CLTC: variants seen among roughly 807,000 people sequenced by gnomAD.
The protein encoded by CLTC is clathrin heavy chain.
In CLTC, 16 loss-of-function variants were observed where a neutral mutation model predicts 195.8. The observed-to-expected ratio is 0.08, with a 90% CI of 0.06 to 0.12. CLTC has a LOEUF of 0.12. CLTC is among the 10% of genes least tolerant of loss of function. CLTC has a pLI of 1.00. For missense variants in CLTC, 796 were observed against 2,027.0 expected, an observed-to-expected ratio of 0.39 and a Z score of 11.66; for synonymous variants, 667 against 689.4, an observed-to-expected ratio of 0.97 and a Z score of 0.51.
chr17:59,664,573 G>T (rs867265484), intron 9 of CLTC: 11 of 376,862 alleles, frequency 2.9e-5, no homozygotes, highest in East Asian at 4.9e-5. Flanking sequence ...AAAAAGAAAA[G>T]AAAAGAAAAG....
chr17:59,639,744 G>A (rs993824170), intron 1 of CLTC, among the ~76,000 whole-genome samples: 2 of 151,452 alleles, frequency 1.3e-5, no homozygotes, highest in African/African-American at 4.9e-5. Flanking sequence ...GAGCTGGGAG[G>A]ATTACTTGAG....
At chr17:59,627,044 G>GAA (rs879791362) in intron 1 of CLTC, among the ~76,000 whole-genome samples, 2 of 146,520 alleles carry the variant, frequency 1.4e-5, no homozygotes, top group African/African-American at 2.5e-5. Context: ...GACTACAGGC[G>GAA]TGCGCCACCA....
chr17:59,695,851 T>A lies in CLTC; in HGVS notation c.*1999T>A. On this transcript the variant is annotated 3_prime_UTR_variant, in exon 32 of 32. Coordinates refer to ENST00000269122, the MANE Select transcript of CLTC (RefSeq NM_004859.4). ...AACACAGAGAAAAAAAAAATAATAA[T>A]AGTATTATGAAAACATTGACTCTGT... 1 of 190,834 alleles carries A rather than the reference T, an allele frequency of 5.2e-6. No individual in the cohort carries two copies. The highest frequency in any genetic ancestry group is 8.4e-5 in the East Asian group (1 of 11,956). The allele number at this position is 190,834 out of a possible 1,614,324, so 11.8% of individuals were successfully genotyped here.
intron 6 of CLTC, 142 bp from the exon 7 acceptor site, chr17:59,660,249 A>AT: frequency 1.4e-6 from 1 of 717,328 alleles, no homozygotes; most frequent in Non-Finnish European, 2.3e-6. Context: ...CCTTCCTTTC[A>AT]TTATTTTTTA....
At chr17:59,689,033 G>T (rs1023668634) in intron 30 of CLTC, 1 of 152,050 alleles carries the variant, frequency 6.6e-6, no homozygotes, top group African/African-American at 2.4e-5. Context: ...GCCAAAAAAT[G>T]GACATTTCAT....
At chr17:59,642,312 T>G (rs1452620425) in intron 1 of CLTC, among the ~76,000 whole-genome samples, 1 of 152,234 alleles carries the variant, frequency 6.6e-6, no homozygotes, top group African/African-American at 2.4e-5. Context: ...ACTAACACTA[T>G]TTTTACTCCG....
intron 10 of CLTC, among the ~76,000 whole-genome samples, chr17:59,665,446 G>A (rs965636822): frequency 2.0e-5 from 3 of 152,186 alleles, no homozygotes; most frequent in African/African-American, 7.2e-5. Context: ...ACAGGATAGT[G>A]GTTGCCACTG....
Position 59,673,382 on chromosome 17 carries a change from A to G in CLTC, c.2293-265A>G, listed in dbSNP as rs148347552. On this transcript the variant is annotated intron_variant, in intron 14 of 31. Transcript: ENST00000269122. ...TCATCTGAGAGCCACTGGCTCAGGT[A>G]TCTTAATTTGTTACTCTTGTTTTTT... Among the ~76,000 whole-genome samples the G allele has an allele frequency of 1.3e-3, 192 of 152,330 alleles. 1 individual carries two copies. Among genetic ancestry groups the G allele is most frequent in the African/African-American group, 4.5e-3 (186 of 41,586 alleles).
rs2032664989 is a variant in CLTC at position 59,663,823 on chromosome 17, C to T, written c.1369-19C>T. 1.2e-6 allele frequency: 2 copies of T among 1,604,600 alleles called. No homozygotes were observed. Among genetic ancestry groups the T allele is most frequent in the South Asian group, 2.2e-5 (2 of 89,416 alleles). On this transcript the variant is annotated intron_variant, in intron 8 of 31. Transcript: ENST00000269122. ...AACAGTTCATGGATCACTAAACAAT[C>T]TCTTTTTCCTTTGGACAGCTGGAAT... is the stretch of plus-strand genomic sequence containing the variant.
Position 59,666,557 on chromosome 17 carries a change from T to A in CLTC, c.1860T>A (p.Ala620=). ...RAHIAQLCEK[A]GLLQRALEHF... is the part of the protein sequence containing the mutation. ...ATATTGCTCAACTGTGTGAAAAGGC[T>A]GGCCTACTGCAGCGTGCATTAGAAC... Residue 620 remains alanine (A), a synonymous_variant, in exon 12 of 32, where the codon GCT becomes GCA. Transcript: ENST00000269122. The surrounding 1 kb of genome is among the most constrained non-coding windows in gnomAD (Gnocchi z 4.9). 6.2e-7 allele frequency: 1 copy of A among 1,614,164 alleles called. No individual in the cohort carries two copies. Among genetic ancestry groups the A allele is most frequent in the South Asian group, 1.1e-5 (1 of 91,084 alleles).
At position 59,681,028 on chromosome 17, in the gene CLTC, C is replaced by A; in HGVS notation, c.3036C>A (p.Val1012=). Reference sequence around the variant, plus strand: ...TCATTGAACTGCTGGAGAAAATTGTCCTTGATAACTCTGTATTCAGTGAAC... The same window carrying A: ...TCATTGAACTGCTGGAGAAAATTGTACTTGATAACTCTGTATTCAGTGAAC... ...NELIELLEKI[V]LDNSVFSEHR... is the part of the protein sequence containing the mutation. Residue 1012 remains valine, a synonymous_variant, in exon 19 of 32, where the codon GTC becomes GTA. Coordinates refer to ENST00000269122, the MANE Select transcript of CLTC (RefSeq NM_004859.4). This position sits in a 1 kb window ranked among gnomAD's most constrained non-coding sequence, Gnocchi z 5.0. 6.2e-7 allele frequency: 1 copy of A among 1,613,952 alleles called. No individual in the cohort carries two copies. Among genetic ancestry groups the A allele is most frequent in the African/African-American group, 1.3e-5 (1 of 75,012 alleles).
intron 4 of CLTC, among the ~76,000 whole-genome samples, chr17:59,650,137 T>C (rs2032293310): frequency 6.6e-6 from 1 of 152,206 alleles, no homozygotes; most frequent in African/African-American, 2.4e-5. Context: ...TGAGTTCATT[T>C]CTGGCATGAC....
At chr17:59,660,658 A>G in intron 7 of CLTC, 70 bp downstream of exon 7, 4 of 1,472,164 alleles carry the variant, frequency 2.7e-6, no homozygotes, top group South Asian at 1.2e-5. Context: ...TTATATTACT[A>G]GAAAAGGAAC....
Position 59,648,753 on chromosome 17 carries a change from GGCGC to G in CLTC, c.681+353_681+356del. 5.4e-6 allele frequency: 1 copy of G among 183,684 alleles called. No individual in the cohort carries two copies. Among genetic ancestry groups the G allele is most frequent in the South Asian group, 1.1e-4 (1 of 9,408 alleles). 11.4% of individuals were successfully genotyped at this position (183,684 alleles called of 1,614,324 possible). A position where few individuals can be genotyped will look rare whatever the true frequency, so the allele number is the denominator to read the frequency against. ...TCTGTTGCCCAGGCTGGAGTGCAGTGGCGCAGTCATGGGCTCACTGCAGCCTCGA... is the reference window on the plus strand; with the variant it reads ...TCTGTTGCCCAGGCTGGAGTGCAGTGAGTCATGGGCTCACTGCAGCCTCGA... On this transcript the variant is annotated intron_variant, in intron 4 of 31. Coordinates refer to ENST00000269122, the MANE Select transcript of CLTC (RefSeq NM_004859.4). The surrounding 1 kb of genome is among the most constrained non-coding windows in gnomAD (Gnocchi z 4.5).
Position 59,655,904 on chromosome 17 carries a change from C to A in CLTC, c.846C>A (p.Ile282=). Residue 282 remains isoleucine (I), a synonymous_variant, in exon 6 of 32, where the codon ATC becomes ATA. Coordinates refer to ENST00000269122, the MANE Select transcript of CLTC (RefSeq NM_004859.4). ...TCTTGATAACCAAGTATGGTTATAT[C>A]CACCTCTATGATCTTGAGACTGGTA... The part of the protein sequence containing the change: ...VVFLITKYGY[I]HLYDLETGTC... 1 of 1,609,306 alleles carries A rather than the reference C, an allele frequency of 6.2e-7. No individual in the cohort carries two copies.
rs567238352 is a variant in CLTC at position 59,687,010 on chromosome 17, A to G, written c.4827+1202A>G. The G allele has an allele frequency of 8.1e-6, 8 of 988,932 alleles. No individual in the cohort carries two copies. In the East Asian group the frequency reaches 7.3e-4, roughly 90 times the overall value. The allele number at this position is 988,932 out of a possible 1,614,324, so 61.3% of individuals were successfully genotyped here. A position where few individuals can be genotyped will look rare whatever the true frequency, so the allele number is the denominator to read the frequency against. ...CTGAATTCCTTTGCAGGTTGATGCA[A>G]TAAAGGAAAAGGTGAAAGTTGATTC... On this transcript the variant is annotated intron_variant, in intron 30 of 31. Transcript: ENST00000269122.
chr17:59,650,245 T>C (rs2032295634), intron 4 of CLTC, among the ~76,000 whole-genome samples: 2 of 152,178 alleles, frequency 1.3e-5, no homozygotes, highest in South Asian at 4.1e-4. Context: ...ATGTTCTCAT[T>C]TAGTTTATGG....
At chr17:59,672,567 TAAAC>T (rs1223471110) in intron 14 of CLTC, among the ~76,000 whole-genome samples, 1 of 152,206 alleles carries the variant, frequency 6.6e-6, no homozygotes, top group Non-Finnish European at 1.5e-5. Context: ...TCCATGGTGT[TAAAC>T]AATACTTATT....
chr17:59,687,532 T>G (rs1460789536), intron 30 of CLTC, among the ~76,000 whole-genome samples: 1 of 151,690 alleles, frequency 6.6e-6, no homozygotes, highest in African/African-American at 2.4e-5. Flanking sequence ...GTTTCTGATC[T>G]CTTGATTCTT....
Sources: allele counts gnomAD v4.1 joint callset (sites outside exome capture counted in the v4.1 genomes callset), GRCh38; gene constraint gnomAD v4.1.1; non-coding constraint Gnocchi (gnomAD v3.1); transcripts MANE v1.5; gene names NCBI Gene and HGNC (gene_info 2026-07-23, HGNC 2026-07-21).